The following CUBN variants were observed in gnomAD, a reference collection of about 807,000 sequenced individuals.
CUBN encodes the protein 460 kDa receptor.
A neutral mutation model predicts 405.3 loss-of-function variants in CUBN; 282 were observed. That is an observed-to-expected ratio of 0.70 (90% confidence interval 0.63 to 0.77). The LOEUF is 0.77. Among genes scored for constraint, CUBN ranks in the 30% least tolerant of loss-of-function variants. The pLI is 0.00. For synonymous variants in CUBN, 1,684 were observed against 1,617.0 expected (o/e 1.04, Z -0.99); for missense variants, 4,514 against 4,475.2 (o/e 1.01, Z -0.25).
At chr10:17,070,606 T>G (rs1835718767) in intron 19 of CUBN, among the ~76,000 whole-genome samples, 1 of 152,186 alleles carries the variant, frequency 6.6e-6, no homozygotes, top group Non-Finnish European at 1.5e-5. Flanking sequence ...TCCTTCATGT[T>G]TATTATTTTT....
intron 22 of CUBN, among the ~76,000 whole-genome samples, chr10:17,060,501 A>T (rs1004827718): frequency 6.6e-6 from 1 of 152,240 alleles, no homozygotes; most frequent in African/African-American, 2.4e-5. Flanking sequence ...ATGATTAAGC[A>T]TTTTGTTGCA....
chr10:16,914,914 C>A, intron 47 of CUBN, 118 bp downstream of exon 47: 2 of 888,494 alleles, frequency 2.3e-6, no homozygotes, highest in East Asian at 2.6e-5. Flanking sequence ...TGATTAAGGT[C>A]CAAGAAAATA....
intron 31 of CUBN, among the ~76,000 whole-genome samples, chr10:16,969,628 C>T (rs920676660): frequency 1.3e-5 from 2 of 152,188 alleles, no homozygotes; most frequent in Non-Finnish European, 2.9e-5. Context: ...GCTGGGATTA[C>T]AGGCGTGAGC....
intron 14 of CUBN, among the ~76,000 whole-genome samples, chr10:17,088,917 C>T (rs1488598304): frequency 6.6e-6 from 1 of 152,208 alleles, no homozygotes; most frequent in Admixed American, 6.5e-5. Context: ...CTTTCTGATG[C>T]TGACCCCACT....
At chr10:16,988,548 A>G (rs1255930130) in intron 29 of CUBN, among the ~76,000 whole-genome samples, 5 of 152,200 alleles carry the variant, frequency 3.3e-5, no homozygotes, top group South Asian at 2.1e-4. Context: ...AGAGCCACTA[A>G]AAGTAATTCC....
chr10:17,123,750 T>C (rs571959702), intron 4 of CUBN, 61 bp from the exon 5 acceptor site: 36 of 1,149,172 alleles, frequency 3.1e-5, no homozygotes, highest in Middle Eastern at 4.3e-4. Context: ...AAAACGCATG[T>C]TACCGTGCAC....
chr10:16,958,069 CA>C (rs1843121031), intron 31 of CUBN, among the ~76,000 whole-genome samples: 1 of 152,106 alleles, frequency 6.6e-6, no homozygotes, highest in Non-Finnish European at 1.5e-5. Flanking sequence ...GGAATCCTCT[CA>C]AGGGACAAGA....
intron 28 of CUBN, among the ~76,000 whole-genome samples, chr10:16,993,166 T>C (rs1368889645): frequency 6.6e-6 from 1 of 152,228 alleles, no homozygotes; most frequent in East Asian, 1.9e-4. Context: ...CAGATGGTTC[T>C]TTCTATCAGT....
intron 8 of CUBN, among the ~76,000 whole-genome samples, chr10:17,113,391 C>A (rs1305384023): frequency 1.3e-5 from 2 of 151,422 alleles, no homozygotes; most frequent in African/African-American, 4.9e-5. Flanking sequence ...ACCAATGCAC[C>A]CAGCACAGTG....
chr10:16,872,757 G>A (rs1840397726), intron 58 of CUBN, among the ~76,000 whole-genome samples: 1 of 152,228 alleles, frequency 6.6e-6, no homozygotes, highest in South Asian at 2.1e-4. Flanking sequence ...GAAACAAATA[G>A]TGAGTCACAG....
At position 16,839,584 on chromosome 10, in the gene CUBN, G is replaced by T; in HGVS notation, c.10032+746C>A. On this transcript the variant is annotated intron_variant, in intron 62 of 66. Transcript: ENST00000377833. ...GGAAACAACAGGTGCTGGAGAGGAT[G>T]TGGAGAAATAGGAACGCTTTGACAC... Among the ~76,000 whole-genome samples the T allele has an allele frequency of 2.1e-5, 2 of 94,966 alleles. 1 individual carries two copies. Among genetic ancestry groups the T allele is most frequent in the South Asian group, 7.2e-4 (2 of 2,786 alleles). 62.3% of individuals were successfully genotyped at this position (94,966 alleles called of 152,430 possible).
chr10:17,027,569 C>CTGA (rs920343425), intron 27 of CUBN, among the ~76,000 whole-genome samples: 1 of 152,102 alleles, frequency 6.6e-6, no homozygotes, highest in Non-Finnish European at 1.5e-5. Context: ...CCTTTGTGAT[C>CTGA]TGATAAATTT....
intron 15 of CUBN, among the ~76,000 whole-genome samples, chr10:17,087,327 G>A (rs1836132352): frequency 6.6e-6 from 1 of 152,058 alleles, no homozygotes; most frequent in Non-Finnish European, 1.5e-5. Context: ...GAATATAAGA[G>A]CCTTTTCTCC....
Position 17,019,998 on chromosome 10 carries a change from A to G in CUBN, c.4018-15T>C. 1 of 1,614,034 alleles carries G rather than the reference A, an allele frequency of 6.2e-7. No homozygotes were observed. The highest frequency in any genetic ancestry group is 8.5e-7 in the Non-Finnish European group (1 of 1,179,874). ...CCATCATAGAGCTGAAATTGAAGAG[A>G]AACTTTCCCATATAAAAACACATGG... On this transcript the variant is annotated splice_polypyrimidine_tract_variant and intron_variant, in intron 27 of 66. Transcript: ENST00000377833.
intron 51 of CUBN, among the ~76,000 whole-genome samples, chr10:16,902,227 GTA>G (rs1203012335): frequency 1.6e-5 from 2 of 124,774 alleles, no homozygotes; most frequent in South Asian, 2.4e-4. Context: ...GTATATATAT[GTA>G]TATATATACT....
intron 40 of CUBN, among the ~76,000 whole-genome samples, chr10:16,931,893 A>T (rs1842372852): frequency 6.6e-6 from 1 of 152,198 alleles, no homozygotes; most frequent in African/African-American, 2.4e-5. Context: ...CCTACTTAAG[A>T]TTTTTTTCAA....
intron 31 of CUBN, among the ~76,000 whole-genome samples, chr10:16,956,048 G>A (rs74877123): frequency 0.14 from 20,949 of 152,166 alleles, 1,835 homozygotes; most frequent in Middle Eastern, 0.23. Context: ...GAGATTCAAT[G>A]TAAGGAAGTT....
At chr10:17,025,897 C>T (rs866055002) in intron 27 of CUBN, among the ~76,000 whole-genome samples, 7 of 151,960 alleles carry the variant, frequency 4.6e-5, no homozygotes, top group East Asian at 1.9e-4. Context: ...GAAGGGATTG[C>T]GGGAGGACAG....
intron 28 of CUBN, among the ~76,000 whole-genome samples, chr10:17,018,664 T>C (rs1473160717): frequency 6.6e-6 from 1 of 152,166 alleles, no homozygotes; most frequent in Admixed American, 6.5e-5. Flanking sequence ...TTCCCTTATT[T>C]GGCCCTGCCC....
Sources: gnomAD v4.1 joint callset for allele counts (sites outside exome capture counted in the v4.1 genomes callset) on GRCh38, gnomAD v4.1.1 for gene constraint, MANE v1.5 for transcripts, NCBI Gene and HGNC (gene_info 2026-07-23, HGNC 2026-07-21) for gene names.